ANKRD12: variants seen among roughly 807,000 people sequenced by gnomAD.
ANKRD12 encodes ankyrin repeat domain 12.
Under a neutral mutation model 183.4 loss-of-function variants are expected in ANKRD12, and 85 were observed. That is an observed-to-expected ratio of 0.46 (90% CI 0.39 to 0.56). The LOEUF (loss-of-function observed/expected upper bound fraction) is 0.56. Ranked by LOEUF, ANKRD12 falls within the 20% of genes least tolerant of loss-of-function variation. ANKRD12 has a pLI of 0.00. For missense variants in ANKRD12, 2,405 were observed against 2,357.1 expected, an observed-to-expected ratio of 1.02 and a Z score of -0.42; for synonymous variants, 914 against 800.2, an observed-to-expected ratio of 1.14 and a Z score of -2.40.
At chr18:9,240,002 T>G (rs1430375357) in intron 8 of ANKRD12, among the ~76,000 whole-genome samples, 1 of 152,208 alleles carries the variant, frequency 6.6e-6, no homozygotes, top group Non-Finnish European at 1.5e-5. Flanking sequence ...TGTCTGTCAG[T>G]ACATTGCTTC....
At chr18:9,211,445 C>G (rs1168837288) in intron 5 of ANKRD12, 139 bp from the exon 6 acceptor site, 1 of 707,524 alleles carries the variant, frequency 1.4e-6, no homozygotes, top group African/African-American at 1.8e-5. Flanking sequence ...AACGGATCAT[C>G]CAAGTCAAGG....
At chr18:9,240,764 C>G (rs1329526563) in intron 8 of ANKRD12, among the ~76,000 whole-genome samples, 1 of 152,164 alleles carries the variant, frequency 6.6e-6, no homozygotes, top group African/African-American at 2.4e-5. Flanking sequence ...CAAGCTACTT[C>G]TAGAGCTCAC....
At chr18:9,251,954 G>T (rs532237233) in intron 8 of ANKRD12, among the ~76,000 whole-genome samples, 42 of 152,264 alleles carry the variant, frequency 2.8e-4, no homozygotes, top group African/African-American at 9.9e-4. Flanking sequence ...AGAGCGTTTT[G>T]TTAGAAATAA....
intron 3 of ANKRD12, among the ~76,000 whole-genome samples, chr18:9,198,440 T>C (rs537272552): frequency 3.9e-5 from 6 of 152,202 alleles, no homozygotes; most frequent in Admixed American, 3.3e-4. Context: ...GAATTTGCTT[T>C]AGTGGGTCTA....
At chr18:9,236,689 AG>A (rs2037367239) in intron 8 of ANKRD12, among the ~76,000 whole-genome samples, 1 of 152,232 alleles carries the variant, frequency 6.6e-6, no homozygotes, top group African/African-American at 2.4e-5. Flanking sequence ...GAATTTAAAA[AG>A]GAGAAAAACA....
intron 1 of ANKRD12, among the ~76,000 whole-genome samples, chr18:9,153,062 G>C (rs2143612172): frequency 6.6e-6 from 1 of 152,228 alleles, no homozygotes; most frequent in South Asian, 2.1e-4. Context: ...TCCAACTCCT[G>C]ACCTCAAGCA....
chr18:9,140,367 T>C (rs1375161520), intron 1 of ANKRD12, among the ~76,000 whole-genome samples: 4 of 152,216 alleles, frequency 2.6e-5, no homozygotes, highest in Non-Finnish European at 5.9e-5. Context: ...CTCCTGTAGA[T>C]ACATTTTCTG....
chr18:9,197,689 A>G (rs1359044849), intron 3 of ANKRD12, among the ~76,000 whole-genome samples: 1 of 152,238 alleles, frequency 6.6e-6, no homozygotes, highest in East Asian at 1.9e-4. Context: ...ATCATAAAGA[A>G]CAGAAAATAT....
intron 1 of ANKRD12, among the ~76,000 whole-genome samples, chr18:9,142,100 T>G (rs1471222665): frequency 6.6e-6 from 1 of 152,144 alleles, no homozygotes; most frequent in African/African-American, 2.4e-5. Context: ...AGAGTTACAA[T>G]AGAACTCTAT....
At chr18:9,246,707 T>A (rs2037983980) in intron 8 of ANKRD12, among the ~76,000 whole-genome samples, 1 of 152,244 alleles carries the variant, frequency 6.6e-6, no homozygotes, top group Non-Finnish European at 1.5e-5. Context: ...CAAAAGTATG[T>A]TATTTATAAG....
At chr18:9,182,128 T>G (rs2033738452) in intron 1 of ANKRD12, among the ~76,000 whole-genome samples, 2 of 152,332 alleles carry the variant, frequency 1.3e-5, no homozygotes, top group South Asian at 2.1e-4. Context: ...GCTTCCACTT[T>G]CACTGCTTCT....
rs550125247 is a variant in ANKRD12, at chr18:9,216,460, A to G, written c.653-298A>G. Among the ~76,000 whole-genome samples the G allele has an allele frequency of 2.0e-5, 3 of 152,354 alleles. No individual in the cohort carries two copies. In the South Asian group the frequency reaches 6.2e-4, roughly 32 times the overall value. ...ATGTTACTGGTAAGGCTTCCAGTTA[A>G]CAGTAGGCTATTAGTAAAGTTTTGG... is the stretch of plus-strand genomic sequence containing the variant. On this transcript the variant is annotated intron_variant, in intron 6 of 12. Coordinates refer to ENST00000262126, the MANE Select transcript of ANKRD12 (RefSeq NM_015208.5).
chr18:9,276,327 G>A (rs554676686), intron 11 of ANKRD12, among the ~76,000 whole-genome samples: 48 of 152,138 alleles, frequency 3.2e-4, no homozygotes, highest in Non-Finnish European at 6.0e-4. Context: ...AAGGATAATA[G>A]GGTATATCAC....
At chr18:9,198,964 A>C (rs1260171233) in intron 3 of ANKRD12, among the ~76,000 whole-genome samples, 1 of 152,128 alleles carries the variant, frequency 6.6e-6, no homozygotes, top group East Asian at 1.9e-4. Context: ...AATTATGATA[A>C]ATTCAATGAA....
chr18:9,150,288 GTC>G (rs2078643445), intron 1 of ANKRD12, among the ~76,000 whole-genome samples: 1 of 151,908 alleles, frequency 6.6e-6, no homozygotes, highest in Non-Finnish European at 1.5e-5. Context: ...ATCTCGTTTC[GTC>G]TACCACTGTC....
At chr18:9,215,001 G>C (rs2036013206) in intron 6 of ANKRD12, among the ~76,000 whole-genome samples, 1 of 152,070 alleles carries the variant, frequency 6.6e-6, no homozygotes, top group Admixed American at 6.6e-5. Context: ...GCAAAGGATG[G>C]TTTAATAATT....
intron 4 of ANKRD12, 67 bp downstream of exon 4, chr18:9,204,611 ACTAT>A: frequency 2.6e-6 from 3 of 1,156,984 alleles, no homozygotes; most frequent in Non-Finnish European, 3.7e-6. Flanking sequence ...TAATTATTGT[ACTAT>A]AAGTAACTTA....
intron 1 of ANKRD12, among the ~76,000 whole-genome samples, chr18:9,166,559 G>T: frequency 6.6e-6 from 1 of 152,136 alleles, no homozygotes; most frequent in Non-Finnish European, 1.5e-5. Context: ...CCCACTTGTT[G>T]ATGGGGTTGT....
chr18:9,231,340 A>T (rs2037032932), intron 8 of ANKRD12, among the ~76,000 whole-genome samples: 3 of 151,838 alleles, frequency 2.0e-5, no homozygotes, highest in Admixed American at 2.0e-4. Context: ...GCTGACAGTG[A>T]TGTGTTGAAG....
Sources: allele counts gnomAD v4.1 joint callset (sites outside exome capture counted in the v4.1 genomes callset), GRCh38; gene constraint gnomAD v4.1.1; transcripts MANE v1.5; gene names NCBI Gene and HGNC (gene_info 2026-07-23, HGNC 2026-07-21).